The following FGGY variants were observed in gnomAD, a reference collection of about 807,000 sequenced individuals.
The protein encoded by FGGY is FGGY carbohydrate kinase domain-containing protein.
A neutral mutation model predicts 71.3 loss-of-function variants in FGGY; 72 were observed. The observed-to-expected ratio is 1.01, with a 90% CI of 0.84 to 1.23. The LOEUF is 1.23. Among genes scored for constraint, FGGY ranks in the 50% most tolerant of loss-of-function variants. The pLI, the probability that FGGY is intolerant of heterozygous loss-of-function variation, is 0.00. For missense variants in FGGY, 668 were observed against 682.3 expected (o/e 0.98, Z 0.23); for synonymous variants, 251 against 250.3 (o/e 1.00, Z -0.02).
At chr1:59,708,998 C>T (rs1170148875) in intron 14 of FGGY, among the ~76,000 whole-genome samples, 1 of 152,142 alleles carries the variant, frequency 6.6e-6, no homozygotes, top group Non-Finnish European at 1.5e-5. Context: ...TAAACTAAAC[C>T]TGTTTAAGCT....
intron 1 of FGGY, among the ~76,000 whole-genome samples, chr1:59,305,534 T>C (rs1415813294): frequency 6.6e-6 from 1 of 152,216 alleles, no homozygotes; most frequent in East Asian, 1.9e-4. Context: ...ATAATGTCCT[T>C]GTCTAGCTTT....
intron 8 of FGGY, among the ~76,000 whole-genome samples, chr1:59,586,528 G>A (rs1038681643): frequency 1.3e-5 from 2 of 151,998 alleles, no homozygotes; most frequent in South Asian, 4.2e-4. Context: ...GAGTGGGGAG[G>A]GATAGCATTA....
At chr1:59,740,462 G>A (rs2407687) in intron 14 of FGGY, among the ~76,000 whole-genome samples, 17,303 of 152,172 alleles carry the variant, frequency 0.11, 1,020 homozygotes, top group African/African-American at 0.13. Flanking sequence ...AGCCCTGCTC[G>A]CAAGAGCATA....
chr1:59,464,427 T>C (rs1420748951), intron 6 of FGGY, among the ~76,000 whole-genome samples: 1 of 152,098 alleles, frequency 6.6e-6, no homozygotes, highest in Non-Finnish European at 1.5e-5. Context: ...AGATCCAAAA[T>C]TGACACCCTA....
intron 14 of FGGY, among the ~76,000 whole-genome samples, chr1:59,675,591 C>T (rs765094528): frequency 6.6e-6 from 1 of 152,180 alleles, no homozygotes; most frequent in Non-Finnish European, 1.5e-5. Flanking sequence ...GTTCAGTTCT[C>T]GACTTTTTCT....
At chr1:59,508,580 GA>G (rs1444566249) in intron 6 of FGGY, among the ~76,000 whole-genome samples, 3 of 152,182 alleles carry the variant, frequency 2.0e-5, no homozygotes, top group African/African-American at 7.2e-5. Context: ...ACCTCTGGCT[GA>G]TAAACTTAGA....
chr1:59,322,781 G>C (rs1422042315), intron 2 of FGGY, among the ~76,000 whole-genome samples: 1 of 152,146 alleles, frequency 6.6e-6, no homozygotes, highest in Admixed American at 6.5e-5. Flanking sequence ...TCACTTGACT[G>C]TTTGATTTTA....
At chr1:59,480,633 C>A (rs1162958224) in intron 6 of FGGY, among the ~76,000 whole-genome samples, 1 of 152,148 alleles carries the variant, frequency 6.6e-6, no homozygotes, top group Non-Finnish European at 1.5e-5. Flanking sequence ...ACTAGGTAAG[C>A]AACCTGGAGT....
intron 8 of FGGY, among the ~76,000 whole-genome samples, chr1:59,557,993 C>T (rs1018048579): frequency 6.6e-6 from 1 of 152,152 alleles, no homozygotes; most frequent in African/African-American, 2.4e-5. Flanking sequence ...TAGTGGTTCT[C>T]TATCATTGAA....
intron 7 of FGGY, among the ~76,000 whole-genome samples, chr1:59,524,739 C>G (rs2094930646): frequency 6.6e-6 from 1 of 152,232 alleles, no homozygotes; most frequent in Non-Finnish European, 1.5e-5. Flanking sequence ...CAGAAAAGAG[C>G]TACCCACTTT....
At chr1:59,615,236 C>T (rs1471892854) in intron 9 of FGGY, among the ~76,000 whole-genome samples, 1 of 152,204 alleles carries the variant, frequency 6.6e-6, no homozygotes, top group Non-Finnish European at 1.5e-5. Flanking sequence ...ATCACGCTAC[C>T]TGACTTCAAA....
At position 59,757,890 on chromosome 1, in the gene FGGY, G is replaced by A. The variant is rs201372394; in HGVS notation, c.1513-41G>A. ...TGTGACAAGCCTCGCTTTGGATTTC[G>A]CTTTCCAACTCAGCTGTCTATGTTG... On this transcript the variant is annotated intron_variant, in intron 14 of 15. Coordinates refer to ENST00000303721, the MANE Select transcript of FGGY (RefSeq NM_018291.5). 75 of 1,489,442 alleles carry A rather than the reference G, an allele frequency of 5.0e-5. No homozygotes were observed. In the African/African-American group the frequency reaches 5.9e-4, roughly 12 times the overall value. The allele number at this position is 1,489,442 out of a possible 1,614,324, so 92.3% of individuals were successfully genotyped here.
chr1:59,588,810 A>G (rs1057434100), intron 8 of FGGY, among the ~76,000 whole-genome samples: 1 of 152,220 alleles, frequency 6.6e-6, no homozygotes, highest in Non-Finnish European at 1.5e-5. Flanking sequence ...GGAAAGGAAC[A>G]ACCGGTACCA....
chr1:59,598,094 G>A (rs2096541578), intron 8 of FGGY, among the ~76,000 whole-genome samples: 1 of 152,094 alleles, frequency 6.6e-6, no homozygotes, highest in African/African-American at 2.4e-5. Flanking sequence ...CCATAGAATA[G>A]ACCAATATGT....
chr1:59,473,127 C>T (rs1020472436), intron 6 of FGGY, among the ~76,000 whole-genome samples: 1 of 152,150 alleles, frequency 6.6e-6, no homozygotes, highest in African/African-American at 2.4e-5. Context: ...TTCTTTCTCT[C>T]TTTGCAATAA....
chr1:59,659,996 T>G (rs1486219858), intron 11 of FGGY, among the ~76,000 whole-genome samples: 1 of 152,206 alleles, frequency 6.6e-6, no homozygotes, highest in Non-Finnish European at 1.5e-5. Context: ...TTTGTTTTTG[T>G]TTAAGGTCAG....
chr1:59,407,632 G>T (rs948720099), intron 5 of FGGY, among the ~76,000 whole-genome samples: 1 of 152,058 alleles, frequency 6.6e-6, no homozygotes, highest in Admixed American at 6.6e-5. Context: ...AATTTTTTCT[G>T]GCCTCTTTCC....
intron 5 of FGGY, among the ~76,000 whole-genome samples, chr1:59,445,543 A>G (rs1192117185): frequency 2.0e-5 from 3 of 152,230 alleles, no homozygotes. Context: ...TGAACTCTCA[A>G]AACCAGACTT....
chr1:59,740,669 C>T (rs776131574), intron 14 of FGGY, among the ~76,000 whole-genome samples: 1 of 152,196 alleles, frequency 6.6e-6, no homozygotes, highest in Non-Finnish European at 1.5e-5. Context: ...ACATTTGTTA[C>T]GATGAAAGAG....
Sources: allele counts gnomAD v4.1 joint callset (sites outside exome capture counted in the v4.1 genomes callset), GRCh38; gene constraint gnomAD v4.1.1; transcripts MANE v1.5; gene names NCBI Gene and HGNC (gene_info 2026-07-23, HGNC 2026-07-21).